The following LOC400499 variants were observed in gnomAD, a reference collection of about 807,000 sequenced individuals.
chr16:11,471,912 C>A, the LOC400499 span: 22 of 398,448 alleles, frequency 5.5e-5, no homozygotes, highest in African/African-American at 3.3e-4. Context: ...AAAGAAACCT[C>A]TTCTCTAATT....
At chr16:11,518,928 C>G in the LOC400499 span, 5 of 398,932 alleles carry the variant, frequency 1.3e-5, no homozygotes, top group Non-Finnish European at 2.2e-5. Flanking sequence ...TTCAGAAGCT[C>G]CACCTTGGCC....
chr16:11,433,772 G>C, the LOC400499 span, among the ~76,000 whole-genome samples: 1 of 152,224 alleles, frequency 6.6e-6, no homozygotes, highest in South Asian at 2.1e-4. Context: ...GAACCATGGG[G>C]TTCACAGAGA....
the LOC400499 span, among the ~76,000 whole-genome samples, chr16:11,502,536 T>C: frequency 6.6e-6 from 1 of 152,172 alleles, no homozygotes; most frequent in Non-Finnish European, 1.5e-5. Flanking sequence ...ACTATGATTG[T>C]AATATAATTA....
the LOC400499 span, among the ~76,000 whole-genome samples, chr16:11,473,612 G>A: frequency 3.3e-5 from 5 of 152,070 alleles, no homozygotes; most frequent in African/African-American, 7.2e-5. Flanking sequence ...AAAATTAGCC[G>A]GGCTTGGTGG....
the LOC400499 span, chr16:11,477,972 G>A: frequency 2.5e-6 from 1 of 398,900 alleles, no homozygotes; most frequent in Admixed American, 4.4e-5. Flanking sequence ...TGTGCGGCCA[G>A]GCTCAGCCTC....
chr16:11,415,955 GTT>G, the LOC400499 span, among the ~76,000 whole-genome samples: 4 of 81,368 alleles, frequency 4.9e-5, no homozygotes, highest in African/African-American at 7.8e-5. Flanking sequence ...TGCTGTTGTT[GTT>G]TTGTTTTTTT....
At chr16:11,475,881 G>C in the LOC400499 span, among the ~76,000 whole-genome samples, 1 of 152,192 alleles carries the variant, frequency 6.6e-6, no homozygotes, top group African/African-American at 2.4e-5. Flanking sequence ...TGGGCACAGG[G>C]ACAGATGCTG....
At chr16:11,502,917 C>CTTTTTTTTTT in the LOC400499 span, among the ~76,000 whole-genome samples, 9 of 98,018 alleles carry the variant, frequency 9.2e-5, 1 homozygote, top group African/African-American at 1.7e-4. Context: ...CCTGGACCAC[C>CTTTTTTTTTT]TTTTTTTTTT....
At chr16:11,426,560 G>C in the LOC400499 span, among the ~76,000 whole-genome samples, 2 of 151,782 alleles carry the variant, frequency 1.3e-5, no homozygotes, top group African/African-American at 4.8e-5. Context: ...TTTACTCTTA[G>C]CATATTTATT....
the LOC400499 span, chr16:11,469,321 T>C: frequency 4.0e-5 from 16 of 399,172 alleles, no homozygotes; most frequent in Non-Finnish European, 4.9e-5. Context: ...TCCGTCCCCC[T>C]GGGAGGACTG....
the LOC400499 span, among the ~76,000 whole-genome samples, chr16:11,389,213 G>A: frequency 3.3e-5 from 5 of 152,212 alleles, no homozygotes; most frequent in African/African-American, 9.6e-5. Context: ...CTCAAAGCCA[G>A]TCATGGCCAC....
At chr16:11,427,181 A>C in the LOC400499 span, among the ~76,000 whole-genome samples, 2 of 151,108 alleles carry the variant, frequency 1.3e-5, no homozygotes, top group Non-Finnish European at 3.0e-5. Flanking sequence ...AACAAGGAGA[A>C]ACCCCGTCTC....
At chr16:11,374,014 G>T in the LOC400499 span, among the ~76,000 whole-genome samples, 1 of 152,026 alleles carries the variant, frequency 6.6e-6, no homozygotes, top group Admixed American at 6.6e-5. Flanking sequence ...CTACATTCTG[G>T]TTCTTTTTCA....
At chr16:11,470,446 C>T in the LOC400499 span, among the ~76,000 whole-genome samples, 5 of 152,190 alleles carry the variant, frequency 3.3e-5, no homozygotes, top group African/African-American at 1.2e-4. Flanking sequence ...AGCATCTTCC[C>T]TCGGCCTTTC....
chr16:11,384,041 G>A, the LOC400499 span: 1 of 1,231,838 alleles, frequency 8.1e-7, no homozygotes, highest in Non-Finnish European at 1.0e-6. Context: ...CAGGCCTCCT[G>A]CTGGACCATG....
At chr16:11,477,444 G>C in the LOC400499 span, among the ~76,000 whole-genome samples, 1 of 152,208 alleles carries the variant, frequency 6.6e-6, no homozygotes, top group African/African-American at 2.4e-5. Context: ...CTTGAACCTT[G>C]GTTTCCTCAT....
the LOC400499 span, among the ~76,000 whole-genome samples, chr16:11,433,803 G>T: frequency 6.6e-6 from 1 of 152,242 alleles, no homozygotes; most frequent in Admixed American, 6.5e-5. Context: ...TGAACACACA[G>T]AGGGTGGTGA....
the LOC400499 span, chr16:11,446,447 T>G: frequency 6.4e-6 from 7 of 1,088,850 alleles, no homozygotes; most frequent in Non-Finnish European, 9.3e-6. Context: ...TGTGAGCCAC[T>G]GCACTCAGTC....
the LOC400499 span, among the ~76,000 whole-genome samples, chr16:11,520,405 C>T: frequency 1.3e-5 from 2 of 152,064 alleles, no homozygotes; most frequent in African/African-American, 4.8e-5. Flanking sequence ...GCCTGTAATC[C>T]CAGCACTTTG....
Sources: allele counts gnomAD v4.1 joint callset (sites outside exome capture counted in the v4.1 genomes callset), GRCh38; gene constraint gnomAD v4.1.1; transcripts MANE v1.5.